Variants in SYN3 observed in about 807,000 individuals in gnomAD.
SYN3 encodes synapsin-3.
SYN3 carries 35 observed loss-of-function variants against 65.8 expected under a neutral mutation model. That is an observed-to-expected ratio of 0.53 (90% CI 0.41 to 0.70). The LOEUF (loss-of-function observed/expected upper bound fraction) is 0.70. SYN3 is among the 30% of genes least tolerant of loss of function. The pLI, the probability that SYN3 is intolerant of heterozygous loss-of-function variation, is 0.00. For synonymous variants in SYN3, 270 were observed against 292.9 expected (o/e 0.92, Z 0.80); for missense variants, 680 against 749.0 (o/e 0.91, Z 1.08).
Position 32,739,176 on chromosome 22 carries a change from G to GGC in SYN3, c.711+125738_711+125739insGC, listed in dbSNP as rs565653773. On this transcript the variant is annotated intron_variant, in intron 6 of 13. Transcript: ENST00000358763. ...CTGGTGGGAGATAATTGAATCACAG[G>GGC]GGGGGGGCGGTTTCCCCCATACTGT... Among the ~76,000 whole-genome samples, 10 of 137,204 alleles carry GGC rather than the reference G, an allele frequency of 7.3e-5. No homozygotes were observed. The South Asian group carries it at 1.2e-3, about 16-fold the overall frequency. The allele number at this position is 137,204 out of a possible 152,430, so 90.0% of individuals were successfully genotyped here. A position where few individuals can be genotyped will look rare whatever the true frequency, so the allele number is the denominator to read the frequency against.
chr22:32,962,589 A>C (rs1245719384), intron 3 of SYN3, among the ~76,000 whole-genome samples: 1 of 152,186 alleles, frequency 6.6e-6, no homozygotes, highest in Admixed American at 6.5e-5. Flanking sequence ...GGGAGTGAGG[A>C]GGACACAGTG....
At chr22:32,633,534 G>A (rs1356136213) in intron 6 of SYN3, among the ~76,000 whole-genome samples, 1 of 152,232 alleles carries the variant, frequency 6.6e-6, no homozygotes, top group East Asian at 1.9e-4. Context: ...GGGAATCCTA[G>A]TTGTTGGGAA....
chr22:32,752,595 C>G (rs533907427), intron 6 of SYN3, among the ~76,000 whole-genome samples: 2 of 152,214 alleles, frequency 1.3e-5, no homozygotes, highest in African/African-American at 4.8e-5. Context: ...TGCCGCGTGC[C>G]GGGGCTCTGC....
chr22:32,574,163 T>G (rs1271449284), intron 7 of SYN3, among the ~76,000 whole-genome samples: 1 of 151,814 alleles, frequency 6.6e-6, no homozygotes. Context: ...GTGTCCAAAT[T>G]TCATTATTTT....
chr22:32,957,964 G>A (rs1374522466), intron 3 of SYN3, among the ~76,000 whole-genome samples: 15 of 152,136 alleles, frequency 9.9e-5, no homozygotes, highest in Admixed American at 9.8e-4. Context: ...GGACTGCAAG[G>A]GACAGTGTCA....
At chr22:32,905,238 G>T (rs1025299837) in intron 4 of SYN3, among the ~76,000 whole-genome samples, 5 of 152,216 alleles carry the variant, frequency 3.3e-5, no homozygotes, top group African/African-American at 1.2e-4. Flanking sequence ...AACTGGAATT[G>T]CCCACCTTCA....
chr22:32,966,642 T>C (rs241766), intron 3 of SYN3, among the ~76,000 whole-genome samples: 95,940 of 152,088 alleles, frequency 0.63, 30,581 homozygotes, highest in East Asian at 0.78. Context: ...AGGCAGGGCA[T>C]GGTGGCTCAC....
intron 6 of SYN3, among the ~76,000 whole-genome samples, chr22:32,827,872 C>T (rs1177811193): frequency 1.3e-5 from 2 of 152,184 alleles, no homozygotes; most frequent in African/African-American, 2.4e-5. Flanking sequence ...AACACCTCAT[C>T]CCCCAGATAC....
chr22:32,799,878 T>A (rs545496877), intron 6 of SYN3, among the ~76,000 whole-genome samples: 13 of 152,268 alleles, frequency 8.5e-5, no homozygotes, highest in Admixed American at 5.2e-4. Context: ...CCTACTGTGG[T>A]TGGGGAAGCA....
intron 6 of SYN3, among the ~76,000 whole-genome samples, chr22:32,659,676 G>T (rs2060190230): frequency 6.6e-6 from 1 of 152,190 alleles, no homozygotes; most frequent in South Asian, 2.1e-4. Flanking sequence ...TTAGTGGGAA[G>T]CTCTTCCACT....
intron 6 of SYN3, among the ~76,000 whole-genome samples, chr22:32,815,220 A>T (rs1033834027): frequency 6.6e-6 from 1 of 152,198 alleles, no homozygotes; most frequent in Non-Finnish European, 1.5e-5. Context: ...TTTTGGGCTG[A>T]CCAAGGCTCA....
At chr22:32,664,024 T>C (rs1256032249) in intron 6 of SYN3, among the ~76,000 whole-genome samples, 2 of 152,178 alleles carry the variant, frequency 1.3e-5, no homozygotes, top group African/African-American at 4.8e-5. Context: ...ATTTTAGACT[T>C]GAGAAGAGAC....
rs181959180 is a variant in SYN3, at chr22:32,548,160, T to G, written c.775-6447A>C. ...TGTGGTTTCACCAGCAGAGATCAGA[T>G]AAGACTGTCCCCTCCCTCTATCCAG... On this transcript the variant is annotated intron_variant, in intron 7 of 13. Coordinates refer to ENST00000358763, the MANE Select transcript of SYN3 (RefSeq NM_003490.4). 5.3e-5 allele frequency among the ~76,000 whole-genome samples: 8 copies of G among 152,324 alleles called. No homozygotes were observed. In the East Asian group the frequency reaches 1.2e-3, roughly 22 times the overall value.
At chr22:32,778,110 T>C (rs1380740634) in intron 6 of SYN3, among the ~76,000 whole-genome samples, 1 of 152,236 alleles carries the variant, frequency 6.6e-6, no homozygotes, top group Non-Finnish European at 1.5e-5. Context: ...TTAGGATTAA[T>C]GGTTTGATAA....
chr22:32,682,390 T>G (rs1212395534), intron 6 of SYN3, among the ~76,000 whole-genome samples: 1 of 152,138 alleles, frequency 6.6e-6, no homozygotes, highest in Admixed American at 6.5e-5. Context: ...GCAAGATGCC[T>G]CTGGCTGCTG....
chr22:32,700,566 A>G (rs1339612875), intron 6 of SYN3, among the ~76,000 whole-genome samples: 2 of 152,216 alleles, frequency 1.3e-5, no homozygotes, highest in Admixed American at 6.5e-5. Context: ...GGAGTCCCCA[A>G]CAGCTATTGT....
chr22:32,835,674 C>T (rs2047709662), intron 6 of SYN3, among the ~76,000 whole-genome samples: 1 of 152,162 alleles, frequency 6.6e-6, no homozygotes, highest in Non-Finnish European at 1.5e-5. Flanking sequence ...TACTTGTTCG[C>T]CCCTTGCCAT....
chr22:32,982,885 T>C (rs1245508315), intron 2 of SYN3, among the ~76,000 whole-genome samples: 1 of 152,196 alleles, frequency 6.6e-6, no homozygotes, highest in Non-Finnish European at 1.5e-5. Flanking sequence ...TATCATTATT[T>C]CCAACTTACA....
chr22:32,994,664 G>A (rs959120075), intron 2 of SYN3, among the ~76,000 whole-genome samples: 1 of 152,102 alleles, frequency 6.6e-6, no homozygotes, highest in Admixed American at 6.5e-5. Context: ...TAGGAGGAGG[G>A]GACTGACTTG....
Sources: allele counts gnomAD v4.1 joint callset (sites outside exome capture counted in the v4.1 genomes callset), GRCh38; gene constraint gnomAD v4.1.1; transcripts MANE v1.5; gene names NCBI Gene and HGNC (gene_info 2026-07-23, HGNC 2026-07-21).